The following EXOC2 variants were observed in gnomAD, a reference collection of about 807,000 sequenced individuals.
EXOC2 encodes SEC5-like 1.
EXOC2 carries 70 observed loss-of-function variants against 131.8 expected under a neutral mutation model. The ratio of observed to expected loss-of-function variants is 0.53; its 90% CI spans 0.44 to 0.65. The LOEUF (loss-of-function observed/expected upper bound fraction) is 0.65. Among genes scored for constraint, EXOC2 ranks in the 30% least tolerant of loss-of-function variants. The probability of loss-of-function intolerance (pLI) is 0.00; values close to 1 mark genes in which losing one functional copy is unlikely to be tolerated. For synonymous variants in EXOC2, 411 were observed against 398.4 expected (o/e 1.03, Z -0.38); for missense variants, 923 against 1,108.6 (o/e 0.83, Z 2.38).
chr6:599,025 C>T, intron 8 of EXOC2, 55 bp downstream of exon 8: 1 of 1,565,918 alleles, frequency 6.4e-7, no homozygotes, highest in Non-Finnish European at 8.6e-7. Flanking sequence ...CTTAAAAAAT[C>T]TTAAAAATGT....
chr6:547,285 G>A (rs1025180455), intron 22 of EXOC2, among the ~76,000 whole-genome samples: 26 of 152,336 alleles, frequency 1.7e-4, no homozygotes, highest in East Asian at 5.8e-4. Flanking sequence ...AAAACTGGCC[G>A]TTTAATGCCT....
At position 491,199 on chromosome 6, in the gene EXOC2, A is replaced by G; in HGVS notation, c.2560-13T>C. On this transcript the variant is annotated splice_polypyrimidine_tract_variant and intron_variant, in intron 25 of 27. Transcript: ENST00000230449. ...TTTCAAGTCTCGCCTGAAAATGAGA[A>G]AAAGACAAAGTGACAACAGGAAAAT... is the stretch of plus-strand genomic sequence containing the variant. 6.2e-7 allele frequency: 1 copy of G among 1,614,146 alleles called. No individual in the cohort carries two copies. Among genetic ancestry groups the G allele is most frequent in the East Asian group, 2.2e-5 (1 of 44,888 alleles).
chr6:502,381 A>C (rs1764268868), intron 23 of EXOC2, among the ~76,000 whole-genome samples: 1 of 152,146 alleles, frequency 6.6e-6, no homozygotes, highest in African/African-American at 2.4e-5. Context: ...TGTAAAAGAA[A>C]AGAGTGGGGG....
intron 6 of EXOC2, among the ~76,000 whole-genome samples, chr6:610,555 AAT>A (rs1372881159): frequency 6.6e-6 from 1 of 152,212 alleles, no homozygotes; most frequent in African/African-American, 2.4e-5. Context: ...ATTCAAAGGA[AAT>A]GTTCATTGGA....
intron 1 of EXOC2, among the ~76,000 whole-genome samples, chr6:674,475 GTAA>G (rs1764018722): frequency 6.6e-6 from 1 of 152,174 alleles, no homozygotes; most frequent in African/African-American, 2.4e-5. Context: ...AAGCCTTGCA[GTAA>G]TAATGAGGGT....
At chr6:624,734 A>C (rs1213960516) in intron 4 of EXOC2, among the ~76,000 whole-genome samples, 1 of 152,262 alleles carries the variant, frequency 6.6e-6, no homozygotes, top group East Asian at 1.9e-4. Context: ...AGCTGCTTTC[A>C]AATGAAGAGA....
chr6:685,517 G>A (rs1055169472), intron 1 of EXOC2, among the ~76,000 whole-genome samples: 6 of 152,142 alleles, frequency 3.9e-5, no homozygotes, highest in African/African-American at 1.2e-4. Flanking sequence ...TTCTTCCCCA[G>A]TTCTCTATAA....
intron 1 of EXOC2, among the ~76,000 whole-genome samples, chr6:681,846 G>A (rs947785609): frequency 2.0e-5 from 3 of 152,220 alleles, no homozygotes; most frequent in African/African-American, 7.2e-5. Flanking sequence ...CTCTGCCCTT[G>A]CAAGAGAATC....
intron 11 of EXOC2, among the ~76,000 whole-genome samples, chr6:590,627 A>G (rs1759488714): frequency 6.6e-6 from 1 of 152,254 alleles, no homozygotes. Flanking sequence ...ACAGCGTAAG[A>G]GCAATCCTAA....
chr6:518,895 G>A (rs548601623), intron 23 of EXOC2, among the ~76,000 whole-genome samples: 2 of 152,188 alleles, frequency 1.3e-5, no homozygotes, highest in Non-Finnish European at 2.9e-5. Flanking sequence ...GGGATTGATA[G>A]TTTTCCATCA....
At chr6:630,224 A>C (rs1482427625) in intron 3 of EXOC2, among the ~76,000 whole-genome samples, 1 of 152,194 alleles carries the variant, frequency 6.6e-6, no homozygotes, top group African/African-American at 2.4e-5. Context: ...AAGACAAATT[A>C]AGCTGCTTAG....
Position 497,490 on chromosome 6 carries a change from C to G in EXOC2, c.2437-1G>C. On this transcript the variant is annotated splice_acceptor_variant, in intron 24 of 27. Coordinates refer to ENST00000230449, the MANE Select transcript of EXOC2 (RefSeq NM_018303.6). LOFTEE classifies it high-confidence loss of function. The stretch of plus-strand genomic sequence containing the variant: ...CCAGTTCTTTGGAAATGGTGAACAC[C>G]TGGTTTGAAATAGGAAGACATGGTG... The G allele has an allele frequency of 6.2e-7, 1 of 1,608,430 alleles. No homozygotes were observed. The highest frequency in any genetic ancestry group is 8.5e-7 in the Non-Finnish European group (1 of 1,177,942).
At chr6:684,077 G>A (rs752517195) in intron 1 of EXOC2, among the ~76,000 whole-genome samples, 6 of 152,156 alleles carry the variant, frequency 3.9e-5, no homozygotes, top group East Asian at 1.9e-4. Context: ...GGCTGAGCGG[G>A]AGACCACACA....
At chr6:633,597 G>A (rs1761958892) in intron 2 of EXOC2, among the ~76,000 whole-genome samples, 1 of 152,176 alleles carries the variant, frequency 6.6e-6, no homozygotes, top group African/African-American at 2.4e-5. Flanking sequence ...CTTATACATG[G>A]CATTACAGAA....
At chr6:614,079 G>A (rs527863066) in intron 6 of EXOC2, among the ~76,000 whole-genome samples, 106 of 152,112 alleles carry the variant, frequency 7.0e-4, no homozygotes, top group Non-Finnish European at 1.3e-3. Flanking sequence ...ATTTAATCTT[G>A]CCCCCCAAAA....
chr6:499,157 G>A (rs906431802), intron 24 of EXOC2, among the ~76,000 whole-genome samples: 2 of 152,100 alleles, frequency 1.3e-5, no homozygotes, highest in African/African-American at 4.8e-5. Flanking sequence ...CCACGGACAG[G>A]AAACCACGCA....
At chr6:608,066 T>C (rs373260554) in intron 7 of EXOC2, among the ~76,000 whole-genome samples, 29 of 152,248 alleles carry the variant, frequency 1.9e-4, no homozygotes, top group African/African-American at 6.8e-4. Context: ...TTAGTAATCA[T>C]CTAAGTGAAG....
intron 1 of EXOC2, among the ~76,000 whole-genome samples, chr6:680,277 A>G (rs950920786): frequency 6.6e-6 from 1 of 152,214 alleles, no homozygotes; most frequent in Non-Finnish European, 1.5e-5. Context: ...CATATGGTCT[A>G]AAAGTTATTT....
At chr6:566,181 A>G (rs1230092326) in intron 13 of EXOC2, among the ~76,000 whole-genome samples, 1 of 152,240 alleles carries the variant, frequency 6.6e-6, no homozygotes, top group African/African-American at 2.4e-5. Flanking sequence ...TTCACTGGTC[A>G]ATGACACTTA....
Sources: allele counts gnomAD v4.1 joint callset (sites outside exome capture counted in the v4.1 genomes callset), GRCh38; gene constraint gnomAD v4.1.1; transcripts MANE v1.5; gene names NCBI Gene and HGNC (gene_info 2026-07-23, HGNC 2026-07-21).